The following TOX variants were observed in gnomAD, a reference collection of about 807,000 sequenced individuals.
TOX encodes the protein thymocyte selection associated high mobility group box.
Under a neutral mutation model 53.7 loss-of-function variants are expected in TOX, and 11 were observed. That is an observed-to-expected ratio of 0.20 (90% CI 0.13 to 0.34). The LOEUF (loss-of-function observed/expected upper bound fraction) is 0.34. Among genes scored for constraint, TOX ranks in the 10% least tolerant of loss-of-function variants. TOX has a pLI of 1.00. For synonymous variants in TOX, 225 were observed against 245.3 expected (o/e 0.92, Z 0.77); for missense variants, 570 against 664.6 (o/e 0.86, Z 1.56).
In TOX at chr8:58,825,635, G is replaced by T. The variant is rs191436232; in HGVS notation, c.1005+1187C>A. ...AATCTTCAAAAAGAATCTGATCTTG[G>T]ATGAAATAAGGAGAATTAACTTTTT... On this transcript the variant is annotated intron_variant, in intron 6 of 8. Transcript: ENST00000361421. 5.6e-4 allele frequency among the ~76,000 whole-genome samples: 85 copies of T among 152,270 alleles called. 1 individual carries two copies. The highest frequency in any genetic ancestry group is 3.4e-3 in the Middle Eastern group (1 of 294).
chr8:58,887,863 T>A (rs1201450730), intron 3 of TOX, among the ~76,000 whole-genome samples: 1 of 152,070 alleles, frequency 6.6e-6, no homozygotes, highest in Non-Finnish European at 1.5e-5. Flanking sequence ...AATACAGCAT[T>A]AGTTGCACAC....
rs1426742507 is a variant in TOX, at chr8:58,806,057, G to C, written c.*1690C>G. On this transcript the variant is annotated 3_prime_UTR_variant, in exon 9 of 9. Transcript: ENST00000361421. ...CTTTCTTGATATGATCCCCTAAAAA[G>C]GAGTAAATCTGCTAGCTTTTTCTTT... is the stretch of plus-strand genomic sequence containing the variant. 1 of 152,502 alleles carries C rather than the reference G, an allele frequency of 6.6e-6. No individual in the cohort carries two copies. Among genetic ancestry groups the C allele is most frequent in the East Asian group, 1.9e-4 (1 of 5,198 alleles). The allele number at this position is 152,502 out of a possible 1,614,324, so 9.4% of individuals were successfully genotyped here.
chr8:58,810,267 G>A (rs1810055608), intron 7 of TOX, among the ~76,000 whole-genome samples: 1 of 152,114 alleles, frequency 6.6e-6, no homozygotes. Context: ...GTCTCCCAAA[G>A]TGCTGGGATT....
chr8:59,085,853 A>T (rs1212833437), intron 1 of TOX, among the ~76,000 whole-genome samples: 1 of 152,178 alleles, frequency 6.6e-6, no homozygotes, highest in African/African-American at 2.4e-5. Flanking sequence ...GAGAAAGAGA[A>T]TGAGAGAAAT....
At chr8:58,888,797 T>G (rs1305034577) in intron 3 of TOX, among the ~76,000 whole-genome samples, 2 of 151,998 alleles carry the variant, frequency 1.3e-5, no homozygotes, top group African/African-American at 2.4e-5. Context: ...TGGATCCAAA[T>G]CAATGAATTA....
At chr8:58,825,011 T>C (rs971806472) in intron 6 of TOX, among the ~76,000 whole-genome samples, 1 of 152,192 alleles carries the variant, frequency 6.6e-6, no homozygotes, top group Non-Finnish European at 1.5e-5. Flanking sequence ...AAAAAAATTA[T>C]AATGTAGAAA....
intron 3 of TOX, among the ~76,000 whole-genome samples, chr8:58,922,985 G>T (rs1231738861): frequency 6.6e-6 from 1 of 152,200 alleles, no homozygotes; most frequent in Non-Finnish European, 1.5e-5. Flanking sequence ...CATCCGGTGG[G>T]AGGTGGGAGA....
At chr8:58,974,382 G>A (rs1246673981) in intron 1 of TOX, among the ~76,000 whole-genome samples, 4 of 152,170 alleles carry the variant, frequency 2.6e-5, no homozygotes, top group Non-Finnish European at 4.4e-5. Flanking sequence ...GTTGAGAGAT[G>A]AGGTCAACAA....
At chr8:59,017,513 T>C (rs1367120199) in intron 1 of TOX, among the ~76,000 whole-genome samples, 1 of 152,222 alleles carries the variant, frequency 6.6e-6, no homozygotes, top group East Asian at 1.9e-4. Flanking sequence ...GAATGACTTG[T>C]TTGTCCTTTG....
chr8:58,865,149 C>A (rs1245682677), intron 3 of TOX, among the ~76,000 whole-genome samples: 2 of 152,104 alleles, frequency 1.3e-5, no homozygotes, highest in Non-Finnish European at 2.9e-5. Context: ...CCCAGCAAAG[C>A]CTGTGGAACC....
At chr8:58,845,703 T>G (rs1181814778) in intron 4 of TOX, among the ~76,000 whole-genome samples, 1 of 152,122 alleles carries the variant, frequency 6.6e-6, no homozygotes, top group Non-Finnish European at 1.5e-5. Flanking sequence ...GGATCTTTGA[T>G]TCTGCCAAAC....
intron 1 of TOX, among the ~76,000 whole-genome samples, chr8:58,995,573 AC>A (rs1457959777): frequency 6.6e-6 from 1 of 152,204 alleles, no homozygotes; most frequent in Non-Finnish European, 1.5e-5. Context: ...AGATCTCTCT[AC>A]CCCTCTGGAT....
chr8:59,037,829 CT>C (rs1803498338), intron 1 of TOX, among the ~76,000 whole-genome samples: 1 of 143,542 alleles, frequency 7.0e-6, no homozygotes, highest in South Asian at 2.3e-4. Flanking sequence ...AAAATTTGTA[CT>C]TTTTCTTCTT....
In TOX at chr8:58,851,577, T is replaced by A. The variant is rs1176354119; in HGVS notation, c.640A>T (p.Thr214Ser). ...TGCACTGAACTGGATGGTGAAGGAG[T>A]TGCAGACTTGCTTCCAGGTGGAGAT... Reference protein sequence around the residue: ...SPSPPGSKSATPSPSSSVHED... With the variant: ...SPSPPGSKSASPSPSSSVHED... The change falls in exon 4 of 9, where the codon ACT (threonine) becomes TCT (serine). Residue 214 changes from threonine (T) to serine (S), a missense_variant. Physicochemically the swap from Thr to Ser is moderately conservative, Grantham distance 58. Coordinates refer to ENST00000361421, the MANE Select transcript of TOX (RefSeq NM_014729.3). The surrounding 1 kb of genome is among the most constrained non-coding windows in gnomAD (Gnocchi z 4.4). 1 of 1,613,320 alleles carries A rather than the reference T, an allele frequency of 6.2e-7. No individual in the cohort carries two copies. The highest frequency in any genetic ancestry group is 1.3e-5 in the African/African-American group (1 of 74,824).
At chr8:58,861,760 A>G (rs1236215201) in intron 3 of TOX, among the ~76,000 whole-genome samples, 1 of 152,186 alleles carries the variant, frequency 6.6e-6, no homozygotes, top group Non-Finnish European at 1.5e-5. Flanking sequence ...TTCACACCAT[A>G]TTTAAACTTG....
chr8:58,889,357 C>T (rs899129341), intron 3 of TOX, among the ~76,000 whole-genome samples: 1 of 151,688 alleles, frequency 6.6e-6, no homozygotes, highest in Non-Finnish European at 1.5e-5. Context: ...TGAGAAAGAG[C>T]TCCAGGAGAG....
intron 5 of TOX, among the ~76,000 whole-genome samples, chr8:58,830,327 G>T (rs1810431894): frequency 6.6e-6 from 1 of 152,032 alleles, no homozygotes; most frequent in African/African-American, 2.4e-5. Context: ...CATCTCAGTG[G>T]CTAAACTAAA....
chr8:59,068,006 A>G (rs1804125452), intron 1 of TOX, among the ~76,000 whole-genome samples: 1 of 152,230 alleles, frequency 6.6e-6, no homozygotes, highest in Non-Finnish European at 1.5e-5. Context: ...TAACTTGTGA[A>G]TATTAGACAT....
At chr8:59,093,708 T>C (rs1804664598) in intron 1 of TOX, among the ~76,000 whole-genome samples, 1 of 152,218 alleles carries the variant, frequency 6.6e-6, no homozygotes, top group South Asian at 2.1e-4. Context: ...CATTCTTGCT[T>C]CTACATATAT....
Sources: allele counts gnomAD v4.1 joint callset (sites outside exome capture counted in the v4.1 genomes callset), GRCh38; gene constraint gnomAD v4.1.1; non-coding constraint Gnocchi (gnomAD v3.1); transcripts MANE v1.5; gene names NCBI Gene and HGNC (gene_info 2026-07-23, HGNC 2026-07-21).